NAV2: variants seen among roughly 807,000 people sequenced by gnomAD.
NAV2 encodes the protein neuron navigator 2.
NAV2 carries 54 observed loss-of-function variants against 223.2 expected under a neutral mutation model. That is an observed-to-expected ratio of 0.24 (90% CI 0.19 to 0.30). NAV2 has a LOEUF of 0.30. NAV2 is among the 10% of genes least tolerant of loss of function. The pLI is 1.00. For synonymous variants in NAV2, 1,279 were observed against 1,239.3 expected, an observed-to-expected ratio of 1.03 and a Z score of -0.67; for missense variants, 2,806 against 3,147.5, an observed-to-expected ratio of 0.89 and a Z score of 2.60.
chr11:20,003,251 C>T (rs950104721), intron 11 of NAV2, among the ~76,000 whole-genome samples: 6 of 152,146 alleles, frequency 3.9e-5, no homozygotes, highest in African/African-American at 1.2e-4. Flanking sequence ...TACATCATAA[C>T]CTGGTGAGAA....
chr11:19,378,972 T>G (rs914542596), intron 1 of NAV2, among the ~76,000 whole-genome samples: 2 of 152,216 alleles, frequency 1.3e-5, no homozygotes, highest in African/African-American at 4.8e-5. Context: ...AGCCCTGGCT[T>G]CGTCCCTCAC....
chr11:19,466,984 T>TACACACACACACACACACACACAC (rs3042688), intron 1 of NAV2, among the ~76,000 whole-genome samples: 2 of 125,140 alleles, frequency 1.6e-5, no homozygotes, highest in Non-Finnish European at 3.3e-5. Context: ...TCTCTCTCTC[T>TACACACACACACACACACACACAC]ACACACACAC....
At chr11:19,731,651 G>A (rs1372786807) in intron 1 of NAV2, among the ~76,000 whole-genome samples, 1 of 152,214 alleles carries the variant, frequency 6.6e-6, no homozygotes, top group Non-Finnish European at 1.5e-5. Context: ...TTAGAGTCAG[G>A]AGATTTGAGA....
Position 19,611,917 on chromosome 11 carries a change from T to A in NAV2, c.76-220567T>A, listed in dbSNP as rs116486299. Among the ~76,000 whole-genome samples the A allele has an allele frequency of 6.0e-3, 915 of 152,340 alleles. 4 individuals are homozygous for A. Among genetic ancestry groups the A allele is most frequent in the African/African-American group, 0.02 (820 of 41,578 alleles). On this transcript the variant is annotated intron_variant, in intron 1 of 37. Transcript: ENST00000360655. ...TGGGGGATCCCACCCATATTTTCCTTCTGTACTGCCCTAGCAGAGGTTCTC... is the reference window on the plus strand; with the variant it reads ...TGGGGGATCCCACCCATATTTTCCTACTGTACTGCCCTAGCAGAGGTTCTC...
chr11:19,725,664 A>G (rs1276049787), intron 1 of NAV2, among the ~76,000 whole-genome samples: 3 of 152,188 alleles, frequency 2.0e-5, no homozygotes, highest in Admixed American at 6.5e-5. Context: ...GCAGAAACCA[A>G]TATAAATTTG....
chr11:19,993,136 C>A (rs2153469696), intron 11 of NAV2, among the ~76,000 whole-genome samples: 1 of 152,288 alleles, frequency 6.6e-6, no homozygotes, highest in South Asian at 2.1e-4. Context: ...TAGAAAATAA[C>A]TTCATGTGTT....
At chr11:19,582,758 G>C (rs1278273512) in intron 1 of NAV2, among the ~76,000 whole-genome samples, 3 of 152,084 alleles carry the variant, frequency 2.0e-5, no homozygotes, top group Non-Finnish European at 4.4e-5. Context: ...ATGCTGTTTT[G>C]GTTACTGTAG....
chr11:20,051,363 C>A (rs1205362916), intron 17 of NAV2, 30 bp downstream of exon 17: 8 of 1,609,820 alleles, frequency 5.0e-6, no homozygotes, highest in Non-Finnish European at 6.0e-6. Flanking sequence ...GCATCTGTGC[C>A]ATCTGTTGTG....
intron 1 of NAV2, among the ~76,000 whole-genome samples, chr11:19,391,487 A>G (rs1849246239): frequency 6.6e-6 from 1 of 152,138 alleles, no homozygotes. Context: ...AGTATTTTAA[A>G]CCTTATCAAT....
rs559650929 is a variant in NAV2 at position 19,484,175 on chromosome 11, T to C, written c.75+133148T>C. 5.5e-5 allele frequency among the ~76,000 whole-genome samples: 8 copies of C among 144,704 alleles called. No homozygotes were observed. In the East Asian group the frequency reaches 1.7e-3, roughly 30 times the overall value. The allele number at this position is 144,704 out of a possible 152,430, so 94.9% of individuals were successfully genotyped here. A position where few individuals can be genotyped will look rare whatever the true frequency, so the allele number is the denominator to read the frequency against. On this transcript the variant is annotated intron_variant, in intron 1 of 37. Coordinates refer to the NAV2 transcript ENST00000360655. ...ACACACACACCCCAAGTCTCAGAGC[T>C]TTCCAAGACCCCTAAGGAATGAGTA...
rs1433948513 is a variant in NAV2, at chr11:19,854,554, C to T, written c.438+11631C>T. 2.0e-5 allele frequency among the ~76,000 whole-genome samples: 3 copies of T among 152,100 alleles called. No individual in the cohort carries two copies. In the East Asian group the frequency reaches 5.8e-4, roughly 29 times the overall value. On this transcript the variant is annotated intron_variant, in intron 3 of 37. Coordinates refer to ENST00000349880, the MANE Select transcript of NAV2 (RefSeq NM_145117.5). ...CTTTGGGTGGGTGTGGGCTGTTTGTCACAATCTCCACCATTCCCTATTGTC... is the reference window on the plus strand; with the variant it reads ...CTTTGGGTGGGTGTGGGCTGTTTGTTACAATCTCCACCATTCCCTATTGTC...
At chr11:19,514,594 A>G (rs891183367) in intron 1 of NAV2, among the ~76,000 whole-genome samples, 1 of 152,024 alleles carries the variant, frequency 6.6e-6, no homozygotes, top group African/African-American at 2.4e-5. Flanking sequence ...TGTGTTTGAC[A>G]TTTAACCTTA....
chr11:20,031,836 T>A (rs1217953737), intron 11 of NAV2, among the ~76,000 whole-genome samples: 3 of 152,174 alleles, frequency 2.0e-5, no homozygotes, highest in African/African-American at 7.2e-5. Context: ...GTTATGGTGA[T>A]CTTTACTGGA....
chr11:19,648,432 A>C (rs184310678), intron 1 of NAV2, among the ~76,000 whole-genome samples: 1 of 152,364 alleles, frequency 6.6e-6, no homozygotes, highest in Admixed American at 6.5e-5. Context: ...TTTTTCCTAG[A>C]GAGCCAGCTG....
chr11:19,856,591 T>C (rs1041878068), intron 3 of NAV2, among the ~76,000 whole-genome samples: 1 of 152,156 alleles, frequency 6.6e-6, no homozygotes, highest in Non-Finnish European at 1.5e-5. Context: ...ATGTGGACGT[T>C]TCTAGTATTG....
intron 1 of NAV2, among the ~76,000 whole-genome samples, chr11:19,755,699 T>A (rs2054178609): frequency 6.6e-6 from 1 of 152,232 alleles, no homozygotes; most frequent in African/African-American, 2.4e-5. Flanking sequence ...GTGTCTCCTG[T>A]ATCTTCACAT....
intron 1 of NAV2, among the ~76,000 whole-genome samples, chr11:19,574,975 G>A (rs1327517193): frequency 1.3e-5 from 2 of 152,266 alleles, no homozygotes; most frequent in East Asian, 3.9e-4. Context: ...CCCTGAGGAG[G>A]GATGGAGTTT....
At chr11:19,671,615 CTG>C (rs2048572100) in intron 1 of NAV2, among the ~76,000 whole-genome samples, 9 of 152,322 alleles carry the variant, frequency 5.9e-5, no homozygotes, top group Admixed American at 5.9e-4. Flanking sequence ...CTGCACAAGA[CTG>C]AGTTTCAACA....
chr11:19,457,792 G>A (rs1443575009), intron 1 of NAV2, among the ~76,000 whole-genome samples: 1 of 152,138 alleles, frequency 6.6e-6, no homozygotes, highest in Admixed American at 6.5e-5. Flanking sequence ...TGGGCAGAGG[G>A]GAGAACAGAG....
Sources: allele counts gnomAD v4.1 joint callset (sites outside exome capture counted in the v4.1 genomes callset), GRCh38; gene constraint gnomAD v4.1.1; transcripts MANE v1.5; gene names NCBI Gene and HGNC (gene_info 2026-07-23, HGNC 2026-07-21).